Variants in LARGE1 observed in about 807,000 individuals in gnomAD.
The protein encoded by LARGE1 is xylosyl- and glucuronyltransferase LARGE1.
In LARGE1, 43 loss-of-function variants were observed where a neutral mutation model predicts 87.6. That is an observed-to-expected ratio of 0.49 (90% confidence interval 0.38 to 0.63). LARGE1 has a LOEUF of 0.63. Among genes scored for constraint, LARGE1 ranks in the 30% least tolerant of loss-of-function variants. The pLI, the probability that LARGE1 is intolerant of heterozygous loss-of-function variation, is 0.00. For missense variants in LARGE1, 802 were observed against 1,000.2 expected (o/e 0.80, Z 2.67); for synonymous variants, 434 against 394.6 (o/e 1.10, Z -1.18).
chr22:33,249,546 G>C (rs1009111627), intron 11 of LARGE1, among the ~76,000 whole-genome samples: 33 of 152,142 alleles, frequency 2.2e-4, no homozygotes, highest in African/African-American at 7.7e-4. Flanking sequence ...CTATTTTAAT[G>C]AAGTCTAGCC....
At position 33,626,241 on chromosome 22, in the gene LARGE1, T is replaced by C; in HGVS notation, c.491+3A>G. The C allele has an allele frequency of 1.9e-6, 3 of 1,613,516 alleles. No individual in the cohort carries two copies. Among genetic ancestry groups the C allele is most frequent in the Non-Finnish European group, 2.5e-6 (3 of 1,179,468 alleles). On this transcript the variant is annotated splice_donor_region_variant and intron_variant, in intron 4 of 14. Coordinates refer to ENST00000397394, the MANE Select transcript of LARGE1 (RefSeq NM_133642.5). ...GCCCACACAGCACAGAAGTTGTTCT[T>C]ACCTATGGAACAGGACGGATTTGAC...
chr22:33,264,465 C>A (rs917534795), intron 11 of LARGE1, among the ~76,000 whole-genome samples: 1 of 152,194 alleles, frequency 6.6e-6, no homozygotes, highest in South Asian at 2.1e-4. Flanking sequence ...TGGAGACCAG[C>A]CTGGCCAACG....
At chr22:33,727,062 C>T (rs907404465) in intron 2 of LARGE1, among the ~76,000 whole-genome samples, 3 of 152,058 alleles carry the variant, frequency 2.0e-5, no homozygotes, top group African/African-American at 4.8e-5. Context: ...GGGTCAATGC[C>T]GGCAGCAGAA....
In LARGE1 at chr22:33,650,522, G is replaced by C; in HGVS notation, c.253C>G (p.Leu85Val). The C allele has an allele frequency of 6.2e-7, 1 of 1,612,564 alleles. No individual in the cohort carries two copies. Among genetic ancestry groups the C allele is most frequent in the Non-Finnish European group, 8.5e-7 (1 of 1,180,008 alleles). The change falls in exon 3 of 15, where the codon CTG (leucine) becomes GTG (valine). Residue 85 changes from leucine (L) to valine (V), a missense_variant. Physicochemically the swap from Leu to Val is conservative, Grantham distance 32 (BLOSUM62 1). This residue lies in a region of LARGE1 where 177 missense variants were observed against 158.3 expected (regional missense o/e 1.12). Transcript: ENST00000397394. ...ENRALRRQLSLAQGRAPSHRR... is the reference protein window; with the variant it reads ...ENRALRRQLSVAQGRAPSHRR... ...TGGGATGGGGCTCGGCCCTGGGCCA[G>C]GCTGAGCTGCCTGCGGAGGGCGCGG...
intron 1 of LARGE1, among the ~76,000 whole-genome samples, chr22:33,784,796 C>T (rs1321755192): frequency 6.6e-6 from 1 of 151,504 alleles, no homozygotes; most frequent in Non-Finnish European, 1.5e-5. Flanking sequence ...ATATAGTATA[C>T]ATACACACAT....
intron 7 of LARGE1, among the ~76,000 whole-genome samples, chr22:33,409,823 T>A (rs2267201): frequency 0.085 from 12,218 of 144,068 alleles, 725 homozygotes; most frequent in Admixed American, 0.22. Flanking sequence ...ATCATGCCAC[T>A]GCACTCCAGC....
chr22:33,538,382 C>T lies in LARGE1; in HGVS notation c.787+26466G>A, dbSNP rs117017212. On this transcript the variant is annotated intron_variant, in intron 6 of 14. Coordinates refer to ENST00000397394, the MANE Select transcript of LARGE1 (RefSeq NM_133642.5). ...GAGCAAGAATCACTTCTCTTTCTTG[C>T]GCATTCTTTAGTGTCTTCTGTGTCC... Among the ~76,000 whole-genome samples, 595 of 152,318 alleles carry T rather than the reference C, an allele frequency of 3.9e-3. 12 individuals carry two copies. Among genetic ancestry groups the T allele is most frequent in the Admixed American group, 0.029 (441 of 15,294 alleles).
At chr22:33,773,406 C>A (rs953841263) in intron 1 of LARGE1, among the ~76,000 whole-genome samples, 1 of 152,218 alleles carries the variant, frequency 6.6e-6, no homozygotes, top group African/African-American at 2.4e-5. Context: ...GATCCTGCTG[C>A]GAAGTCAAAT....
At chr22:33,247,047 A>ATGTG (rs10532057) in intron 11 of LARGE1, among the ~76,000 whole-genome samples, 294 of 146,278 alleles carry the variant, frequency 2.0e-3, no homozygotes, top group African/African-American at 2.5e-3. Context: ...TGCAGCCAGT[A>ATGTG]TGTGTGTGTG....
At chr22:33,764,680 C>T (rs746881215) in intron 1 of LARGE1, among the ~76,000 whole-genome samples, 7 of 152,094 alleles carry the variant, frequency 4.6e-5, no homozygotes, top group Non-Finnish European at 8.8e-5. Flanking sequence ...ATCACTGGAA[C>T]CCGGGAGGCG....
At chr22:33,646,610 G>T (rs1054078497) in intron 3 of LARGE1, among the ~76,000 whole-genome samples, 1 of 149,846 alleles carries the variant, frequency 6.7e-6, no homozygotes, top group Non-Finnish European at 1.5e-5. Flanking sequence ...AAAAAAAAAA[G>T]TCAACGAGTT....
intron 2 of LARGE1, among the ~76,000 whole-genome samples, chr22:33,688,356 T>A (rs967743380): frequency 6.6e-6 from 1 of 152,140 alleles, no homozygotes; most frequent in Non-Finnish European, 1.5e-5. Flanking sequence ...CACTGTTTAT[T>A]TTTTCTTTTT....
At chr22:33,845,571 G>A (rs1009918196) in intron 1 of LARGE1, among the ~76,000 whole-genome samples, 13 of 152,096 alleles carry the variant, frequency 8.5e-5, no homozygotes, top group African/African-American at 2.9e-4. Context: ...GCCTCCCAAA[G>A]TGCTGGAATT....
At chr22:33,114,045 A>ATTTTTTTTTTTTTT in the LARGE1 span, among the ~76,000 whole-genome samples, 5 of 135,748 alleles carry the variant, frequency 3.7e-5, no homozygotes, top group Non-Finnish European at 6.3e-5. Flanking sequence ...TAATTTTTCT[A>ATTTTTTTTTTTTTT]TTTTTTTTTT....
At chr22:33,754,627 T>C (rs2084442900) in intron 2 of LARGE1, among the ~76,000 whole-genome samples, 1 of 152,174 alleles carries the variant, frequency 6.6e-6, no homozygotes, top group South Asian at 2.1e-4. Context: ...TGAGCCACCG[T>C]GCCCGGCCAG....
chr22:33,746,694 T>C (rs892381544), intron 2 of LARGE1, among the ~76,000 whole-genome samples: 1 of 152,186 alleles, frequency 6.6e-6, no homozygotes, highest in African/African-American at 2.4e-5. Context: ...AAACAATATA[T>C]TTGCCAGGCA....
intron 11 of LARGE1, among the ~76,000 whole-genome samples, chr22:33,210,676 C>T (rs1924915418): frequency 6.6e-6 from 1 of 152,256 alleles, no homozygotes; most frequent in Admixed American, 6.5e-5. Context: ...CAAGCTTCCA[C>T]CCCTGTTGCC....
intron 6 of LARGE1, among the ~76,000 whole-genome samples, chr22:33,560,546 G>T (rs879392786): frequency 1.3e-5 from 2 of 152,162 alleles, no homozygotes; most frequent in African/African-American, 2.4e-5. Context: ...TTATGGGTGT[G>T]TATTTATTAT....
intron 7 of LARGE1, among the ~76,000 whole-genome samples, chr22:33,404,228 C>A (rs144468629): frequency 1.5e-3 from 222 of 152,196 alleles, no homozygotes; most frequent in Middle Eastern, 3.4e-3. Context: ...CTGCAGGAGG[C>A]GAGGTAGCAT....
Sources: allele counts gnomAD v4.1 joint callset (sites outside exome capture counted in the v4.1 genomes callset), GRCh38; gene constraint gnomAD v4.1.1; regional missense constraint gnomAD v4.1.1; transcripts MANE v1.5; gene names NCBI Gene and HGNC (gene_info 2026-07-23, HGNC 2026-07-21).